The following MYO9A variants were observed in gnomAD, a reference collection of about 807,000 sequenced individuals.
The protein encoded by MYO9A is unconventional myosin-IXa.
Under a neutral mutation model 293.3 loss-of-function variants are expected in MYO9A, and 103 were observed. That is an observed-to-expected ratio of 0.35 (90% CI 0.30 to 0.41). The LOEUF (loss-of-function observed/expected upper bound fraction) is 0.41. Ranked by LOEUF, MYO9A falls within the 10% of genes least tolerant of loss-of-function variation. MYO9A has a pLI of 1.00. For missense variants in MYO9A, 2,685 were observed against 3,033.0 expected, an observed-to-expected ratio of 0.89 and a Z score of 2.69; for synonymous variants, 1,001 against 1,035.7, an observed-to-expected ratio of 0.97 and a Z score of 0.64.
intron 25 of MYO9A, 22 bp from the exon 26 acceptor site, chr15:71,893,800 T>C (rs1445194414): frequency 6.3e-7 from 1 of 1,577,158 alleles, no homozygotes; most frequent in East Asian, 2.2e-5. Context: ...ACAATGAAAT[T>C]ACATTTCAGT....
rs912812715 is a variant in MYO9A at position 72,015,695 on chromosome 15, T to G, written c.1155+3344A>C. On this transcript the variant is annotated intron_variant, in intron 6 of 41. Transcript: ENST00000356056. Reference sequence around the variant, plus strand: ...TTACTCAGATCAGGTTTTTTTTTTTTTTTTTTTTTTGAGACAGAGTCTCGC... The same window carrying G: ...TTACTCAGATCAGGTTTTTTTTTTTGTTTTTTTTTTGAGACAGAGTCTCGC... 4.0e-5 allele frequency among the ~76,000 whole-genome samples: 6 copies of G among 148,882 alleles called. No homozygotes were observed. In the East Asian group the frequency reaches 5.9e-4, roughly 15 times the overall value.
rs115225757 is a variant in MYO9A, at chr15:71,917,703, C to G, written c.2563-1211G>C. On this transcript the variant is annotated intron_variant, in intron 18 of 41. Coordinates refer to ENST00000356056, the MANE Select transcript of MYO9A (RefSeq NM_006901.4). The stretch of plus-strand genomic sequence containing the variant: ...GAGCCAATCATAATTTTTTAAACCA[C>G]ACAATATTTATGGTAGTGAGTTTGT... Among the ~76,000 whole-genome samples the G allele has an allele frequency of 2.9e-3, 438 of 152,170 alleles. 6 individuals carry two copies. Among genetic ancestry groups the G allele is most frequent in the African/African-American group, 0.01 (431 of 41,522 alleles).
At chr15:72,079,216 G>A (rs2079464374) in intron 1 of MYO9A, among the ~76,000 whole-genome samples, 1 of 151,998 alleles carries the variant, frequency 6.6e-6, no homozygotes, top group African/African-American at 2.4e-5. Flanking sequence ...GCAGGAGGAG[G>A]AGCAAGGTGA....
intron 39 of MYO9A, among the ~76,000 whole-genome samples, chr15:71,835,529 T>C (rs931501239): frequency 3.3e-5 from 5 of 152,186 alleles, no homozygotes; most frequent in African/African-American, 1.2e-4. Context: ...ATACCTATGA[T>C]TGCATTTAAA....
At chr15:72,098,372 A>G (rs1287204295) in intron 1 of MYO9A, among the ~76,000 whole-genome samples, 1 of 152,166 alleles carries the variant, frequency 6.6e-6, no homozygotes, top group East Asian at 1.9e-4. Flanking sequence ...TGTAAAGGAT[A>G]ATAAGCCACT....
chr15:71,978,144 A>T, intron 12 of MYO9A, 27 bp downstream of exon 12: 1 of 1,608,286 alleles, frequency 6.2e-7, no homozygotes, highest in Non-Finnish European at 8.5e-7. Flanking sequence ...AACAGCCAAT[A>T]ACAAAATTGA....
chr15:71,896,445 G>C (rs1244518292), intron 25 of MYO9A, among the ~76,000 whole-genome samples: 2 of 151,982 alleles, frequency 1.3e-5, no homozygotes, highest in East Asian at 3.9e-4. Context: ...ACTTAAAAAT[G>C]CTTTTCTCAT....
chr15:72,074,643 T>C (rs1338810062), intron 1 of MYO9A, among the ~76,000 whole-genome samples: 4 of 152,168 alleles, frequency 2.6e-5, no homozygotes, highest in African/African-American at 7.2e-5. Context: ...TATACATCAA[T>C]GTGCACTAAT....
chr15:71,883,597 C>G lies in MYO9A; in HGVS notation c.5395G>C (p.Asp1799His), dbSNP rs761425478. The change falls in exon 28 of 42, where the codon GAT becomes CAT. Residue 1799 changes from aspartate to histidine, a missense_variant. Physicochemically the swap from Asp to His is moderately conservative, Grantham distance 81 (BLOSUM62 -1). Around this residue, in one of 10 missense-constraint regions of MYO9A, gnomAD observed 1,434 missense variants for 1,497.7 expected, o/e 0.96. Coordinates refer to ENST00000356056, the MANE Select transcript of MYO9A (RefSeq NM_006901.4). ...TCCACCCTTTGGTCACTTTTACCAT[C>G]TGGAAACTGATGAGCTGGAATCACA... ...TDVIPAHQFP[D>H]ELAAYHPTPP... 3 of 1,609,488 alleles carry G rather than the reference C, an allele frequency of 1.9e-6. No homozygotes were observed. Among genetic ancestry groups the G allele is most frequent in the Non-Finnish European group, 2.5e-6 (3 of 1,178,770 alleles).
chr15:71,934,573 TA>T (rs2058572509), intron 17 of MYO9A, among the ~76,000 whole-genome samples: 1 of 151,716 alleles, frequency 6.6e-6, no homozygotes, highest in South Asian at 2.1e-4. Context: ...TAAAACATGT[TA>T]ATGCTAATAA....
intron 8 of MYO9A, among the ~76,000 whole-genome samples, chr15:72,007,274 G>T (rs2077042925): frequency 6.6e-6 from 1 of 152,020 alleles, no homozygotes; most frequent in Admixed American, 6.6e-5. Context: ...AGAGAAATTA[G>T]CTAAGAAAAC....
At chr15:72,069,631 A>G (rs2079122876) in intron 1 of MYO9A, among the ~76,000 whole-genome samples, 1 of 152,212 alleles carries the variant, frequency 6.6e-6, no homozygotes, top group South Asian at 2.1e-4. Flanking sequence ...GAGAATAGAA[A>G]AAGATAGTGA....
At chr15:71,994,358 G>A (rs998857851) in intron 10 of MYO9A, 111 bp downstream of exon 10, 45 of 585,154 alleles carry the variant, frequency 7.7e-5, no homozygotes, top group Non-Finnish European at 1.1e-4. Context: ...AAATAAAAGC[G>A]ATTTCTTACT....
chr15:72,104,916 C>T (rs2080514379), intron 1 of MYO9A, among the ~76,000 whole-genome samples: 1 of 152,018 alleles, frequency 6.6e-6, no homozygotes, highest in Non-Finnish European at 1.5e-5. Context: ...TCAGGAAAAC[C>T]CAGTGAAGAT....
At chr15:71,933,831 A>G in intron 17 of MYO9A, 122 bp from the exon 18 acceptor site, 1 of 786,118 alleles carries the variant, frequency 1.3e-6, no homozygotes, top group Admixed American at 2.7e-5. Context: ...CATTACCAAG[A>G]CTGTAGGTTC....
At chr15:72,024,543 G>A (rs1029498226) in intron 4 of MYO9A, among the ~76,000 whole-genome samples, 1 of 152,142 alleles carries the variant, frequency 6.6e-6, no homozygotes, top group Non-Finnish European at 1.5e-5. Flanking sequence ...AAAGTGCTGG[G>A]ATTACAGGCA....
intron 1 of MYO9A, among the ~76,000 whole-genome samples, chr15:72,092,589 AAAAT>A (rs2079949211): frequency 6.6e-6 from 1 of 152,246 alleles, no homozygotes. Flanking sequence ...CTGTCTCTAA[AAAAT>A]AAATAAATAA....
chr15:71,937,957 C>T (rs530629792), intron 16 of MYO9A, among the ~76,000 whole-genome samples: 2 of 152,134 alleles, frequency 1.3e-5, no homozygotes, highest in East Asian at 3.9e-4. Flanking sequence ...TAGCCAAATA[C>T]TACTGTTAAG....
chr15:71,985,970 T>C (rs2076397945), intron 11 of MYO9A, among the ~76,000 whole-genome samples: 1 of 152,172 alleles, frequency 6.6e-6, no homozygotes, highest in Non-Finnish European at 1.5e-5. Flanking sequence ...AATTTACTGA[T>C]GAATCAATCA....
Sources: allele counts gnomAD v4.1 joint callset (sites outside exome capture counted in the v4.1 genomes callset), GRCh38; gene constraint gnomAD v4.1.1; regional missense constraint gnomAD v4.1.1; transcripts MANE v1.5; gene names NCBI Gene and HGNC (gene_info 2026-07-23, HGNC 2026-07-21).